Variants in LRP1B observed in about 807,000 individuals in gnomAD.
LRP1B encodes low-density lipoprotein receptor-related protein 1B.
LRP1B carries 217 observed loss-of-function variants against 556.6 expected under a neutral mutation model. That is an observed-to-expected ratio of 0.39 (90% CI 0.35 to 0.44). The LOEUF (loss-of-function observed/expected upper bound fraction) is 0.44. Among genes scored for constraint, LRP1B ranks in the 20% least tolerant of loss-of-function variants. LRP1B has a pLI of 1.00. For missense variants in LRP1B, 5,053 were observed against 5,620.8 expected, an observed-to-expected ratio of 0.90 and a Z score of 3.23; for synonymous variants, 2,047 against 1,865.8, an observed-to-expected ratio of 1.10 and a Z score of -2.50.
chr2:141,317,927 T>A (rs1164102407), intron 3 of LRP1B, among the ~76,000 whole-genome samples: 1 of 152,112 alleles, frequency 6.6e-6, no homozygotes, highest in East Asian at 1.9e-4. Context: ...AGAGTGCCAT[T>A]CTTGGTGGCA....
At chr2:141,155,549 A>G (rs1702046542) in intron 7 of LRP1B, among the ~76,000 whole-genome samples, 1 of 151,678 alleles carries the variant, frequency 6.6e-6, no homozygotes, top group Non-Finnish European at 1.5e-5. Context: ...ACATAGGTAT[A>G]TATGTGCCAT....
intron 2 of LRP1B, among the ~76,000 whole-genome samples, chr2:141,676,279 G>A (rs1690875010): frequency 3.9e-5 from 6 of 151,978 alleles, no homozygotes; most frequent in Admixed American, 3.9e-4. Flanking sequence ...CCATTACGTA[G>A]TCAAAAATCA....
At chr2:140,796,391 T>C (rs542276946) in intron 32 of LRP1B, among the ~76,000 whole-genome samples, 25 of 152,128 alleles carry the variant, frequency 1.6e-4, no homozygotes, top group Admixed American at 5.2e-4. Context: ...AGGAGCAATC[T>C]GTTGGAACAT....
intron 3 of LRP1B, among the ~76,000 whole-genome samples, chr2:141,262,209 A>G (rs565117602): frequency 4.2e-4 from 64 of 152,058 alleles, no homozygotes; most frequent in Admixed American, 2.7e-3. Context: ...ATTCTGTTCA[A>G]TCTTCTGCCG....
chr2:141,281,420 A>G (rs1200159501), intron 3 of LRP1B, among the ~76,000 whole-genome samples: 1 of 152,104 alleles, frequency 6.6e-6, no homozygotes, highest in East Asian at 1.9e-4. Flanking sequence ...CAAGAGAGAC[A>G]TTGGTAAAAG....
intron 35 of LRP1B, among the ~76,000 whole-genome samples, chr2:140,731,089 A>C (rs545341030): frequency 6.6e-6 from 1 of 152,214 alleles, no homozygotes; most frequent in Admixed American, 6.5e-5. Flanking sequence ...CCTTACCTTT[A>C]GTAGGAAACT....
At chr2:141,718,294 T>C (rs1417174395) in intron 2 of LRP1B, among the ~76,000 whole-genome samples, 1 of 152,206 alleles carries the variant, frequency 6.6e-6, no homozygotes, top group African/African-American at 2.4e-5. Context: ...CTGGCTATTC[T>C]TTCCCCTTGC....
intron 1 of LRP1B, among the ~76,000 whole-genome samples, chr2:141,850,733 G>C (rs1697822246): frequency 6.6e-6 from 1 of 151,108 alleles, no homozygotes; most frequent in African/African-American, 2.4e-5. Context: ...AGGTTAACCA[G>C]CAAAGCACTA....
chr2:140,650,725 G>T (rs1158281066), intron 41 of LRP1B, among the ~76,000 whole-genome samples: 2 of 152,128 alleles, frequency 1.3e-5, no homozygotes, highest in Admixed American at 1.3e-4. Context: ...CCCTAGTGAA[G>T]TGTCTCCCAC....
At chr2:141,047,567 C>T (rs10202075) in intron 11 of LRP1B, among the ~76,000 whole-genome samples, 144,169 of 152,164 alleles carry the variant, frequency 0.95, 68,648 homozygotes, top group Non-Finnish European at 1. Flanking sequence ...ACAACGTGAT[C>T]GATCCTCCTA....
At chr2:140,751,563 A>G (rs568216116) in intron 35 of LRP1B, among the ~76,000 whole-genome samples, 1 of 152,334 alleles carries the variant, frequency 6.6e-6, no homozygotes, top group South Asian at 2.1e-4. Flanking sequence ...ATGTAAAGAA[A>G]AATAATATTT....
chr2:141,578,521 T>C (rs59780476), intron 2 of LRP1B, among the ~76,000 whole-genome samples: 3,963 of 152,172 alleles, frequency 0.026, 190 homozygotes, highest in African/African-American at 0.088. Context: ...CATTAGGCCT[T>C]ATGTATGTAT....
chr2:141,069,942 A>C (rs202089372), intron 7 of LRP1B, among the ~76,000 whole-genome samples: 1 of 146,892 alleles, frequency 6.8e-6, no homozygotes, highest in East Asian at 2.1e-4. Flanking sequence ...TCCTAAAGCT[A>C]TACCTCCCCC....
At chr2:141,539,825 C>T (rs576425387) in intron 2 of LRP1B, among the ~76,000 whole-genome samples, 3 of 152,108 alleles carry the variant, frequency 2.0e-5, no homozygotes, top group East Asian at 3.9e-4. Context: ...TATATAATAT[C>T]GTGTGTAACA....
intron 84 of LRP1B, among the ~76,000 whole-genome samples, chr2:140,293,883 A>G (rs1402756720): frequency 1.3e-5 from 2 of 152,146 alleles, no homozygotes; most frequent in Non-Finnish European, 2.9e-5. Context: ...CAAGTTATTT[A>G]ACCTCTGTCT....
At chr2:141,198,954 TAG>T (rs1305893274) in intron 6 of LRP1B, among the ~76,000 whole-genome samples, 1 of 152,190 alleles carries the variant, frequency 6.6e-6, no homozygotes, top group African/African-American at 2.4e-5. Context: ...GCTCCTTGTT[TAG>T]ACACTATCTT....
chr2:141,054,729 G>A (rs1699130242), intron 10 of LRP1B, among the ~76,000 whole-genome samples: 1 of 151,898 alleles, frequency 6.6e-6, no homozygotes, highest in African/African-American at 2.4e-5. Flanking sequence ...GACTATACAT[G>A]GATTTCTGTC....
intron 11 of LRP1B, among the ~76,000 whole-genome samples, chr2:141,022,512 C>G (rs897128141): frequency 6.6e-6 from 1 of 151,906 alleles, no homozygotes; most frequent in South Asian, 2.1e-4. Context: ...TATTTGGTCT[C>G]TGCTTTAAAT....
chr2:141,987,649 T>A (rs1418095172), intron 1 of LRP1B, among the ~76,000 whole-genome samples: 1 of 151,636 alleles, frequency 6.6e-6, no homozygotes, highest in Non-Finnish European at 1.5e-5. Flanking sequence ...TTTCTTTTTA[T>A]TTTAATATAC....
Sources: allele counts gnomAD v4.1 joint callset (sites outside exome capture counted in the v4.1 genomes callset), GRCh38; gene constraint gnomAD v4.1.1; transcripts MANE v1.5; gene names NCBI Gene and HGNC (gene_info 2026-07-23, HGNC 2026-07-21).